Variants in ASB3 observed in about 807,000 individuals in gnomAD.
The protein encoded by ASB3 is ankyrin repeat and SOCS box protein 3.
A neutral mutation model predicts 54.5 loss-of-function variants in ASB3; 41 were observed. The ratio of observed to expected loss-of-function variants is 0.75; its 90% CI spans 0.59 to 0.98. ASB3 has a LOEUF of 0.98. Ranked by LOEUF, ASB3 falls within the 50% of genes least tolerant of loss-of-function variation. ASB3 has a pLI of 0.00. For synonymous variants in ASB3, 266 were observed against 221.2 expected, an observed-to-expected ratio of 1.20 and a Z score of -1.80; for missense variants, 733 against 620.0, an observed-to-expected ratio of 1.18 and a Z score of -1.94.
chr2:53,771,785 G>A, intron 1 of ASB3: 1 of 702,848 alleles, frequency 1.4e-6, no homozygotes, highest in Non-Finnish European at 2.6e-6. Flanking sequence ...CTATGCTTAA[G>A]AAATAGTGCT....
intron 1 of ASB3, among the ~76,000 whole-genome samples, chr2:53,772,861 C>T (rs918036453): frequency 2.0e-5 from 3 of 152,038 alleles, no homozygotes; most frequent in African/African-American, 7.2e-5. Context: ...TCCTCTCCCT[C>T]CTCCCACCCT....
chr2:53,691,879 G>T (rs148453527), intron 9 of ASB3, among the ~76,000 whole-genome samples: 89 of 152,302 alleles, frequency 5.8e-4, no homozygotes, highest in African/African-American at 2.1e-3. Flanking sequence ...AATGTAAGCA[G>T]GAGGAAGAAT....
At chr2:53,695,983 C>A (rs1276693485) in intron 8 of ASB3, among the ~76,000 whole-genome samples, 1 of 152,058 alleles carries the variant, frequency 6.6e-6, no homozygotes, top group African/African-American at 2.4e-5. Flanking sequence ...ACTTTAACAA[C>A]ATATTGGAAT....
intron 3 of ASB3, among the ~76,000 whole-genome samples, chr2:53,742,333 A>C (rs778625525): frequency 6.6e-5 from 10 of 152,188 alleles, no homozygotes; most frequent in Non-Finnish European, 1.5e-4. Flanking sequence ...TTGAGCAAAA[A>C]CTCACATATT....
At chr2:53,703,545 G>A (rs548491594) in intron 7 of ASB3, among the ~76,000 whole-genome samples, 2 of 152,308 alleles carry the variant, frequency 1.3e-5, no homozygotes, top group South Asian at 4.1e-4. Flanking sequence ...GCTGCGGTGA[G>A]CAATGATTGC....
rs568670841 is a variant in ASB3 at position 53,670,148 on chromosome 2, T to C, written c.*355A>G. 1 of 182,548 alleles carries C rather than the reference T, an allele frequency of 5.5e-6. No individual in the cohort carries two copies. Among genetic ancestry groups the C allele is most frequent in the Non-Finnish European group, 1.1e-5 (1 of 88,876 alleles). 11.3% of individuals were successfully genotyped at this position (182,548 alleles called of 1,614,324 possible). Reference sequence around the variant, plus strand: ...TAAACACGAATCATAGGTGGAAATATGCCATGTTTAGCACTAGAAGTAACA... The same window carrying C: ...TAAACACGAATCATAGGTGGAAATACGCCATGTTTAGCACTAGAAGTAACA... On this transcript the variant is annotated 3_prime_UTR_variant, in exon 10 of 10. Coordinates refer to ENST00000263634, the MANE Select transcript of ASB3 (RefSeq NM_016115.5).
At chr2:53,684,723 T>C (rs527404596) in intron 9 of ASB3, among the ~76,000 whole-genome samples, 1 of 152,344 alleles carries the variant, frequency 6.6e-6, no homozygotes, top group East Asian at 1.9e-4. Context: ...AAAATGCTCT[T>C]CTGTTTTTAA....
chr2:53,767,004 G>A (rs1673506627), intron 1 of ASB3, among the ~76,000 whole-genome samples: 1 of 152,156 alleles, frequency 6.6e-6, no homozygotes. Context: ...TGCAGCAAGA[G>A]CTCTAATGAG....
chr2:53,701,331 C>T (rs1016153829), intron 7 of ASB3, among the ~76,000 whole-genome samples: 2 of 152,034 alleles, frequency 1.3e-5, no homozygotes, highest in African/African-American at 4.8e-5. Flanking sequence ...TACAATACTA[C>T]ATCTTAAAAT....
At chr2:53,690,898 G>C (rs1668876542) in intron 9 of ASB3, among the ~76,000 whole-genome samples, 4 of 152,060 alleles carry the variant, frequency 2.6e-5, no homozygotes, top group African/African-American at 4.8e-5. Flanking sequence ...GTAACACTCT[G>C]GATAGAATTA....
At chr2:53,732,714 C>T (rs1460350124) in intron 3 of ASB3, among the ~76,000 whole-genome samples, 1 of 152,112 alleles carries the variant, frequency 6.6e-6, no homozygotes, top group African/African-American at 2.4e-5. Context: ...TTCCCAATGA[C>T]AAAAGTAAAA....
intron 6 of ASB3, 51 bp from the exon 7 acceptor site, chr2:53,714,632 T>C (rs1558534119): frequency 1.9e-6 from 3 of 1,570,226 alleles, no homozygotes; most frequent in Non-Finnish European, 8.6e-7. Context: ...TGTGCATAAA[T>C]GTAGGCAACA....
chr2:53,726,575 A>T (rs1671005676), intron 5 of ASB3, among the ~76,000 whole-genome samples: 1 of 151,378 alleles, frequency 6.6e-6, no homozygotes, highest in Non-Finnish European at 1.5e-5. Context: ...TAATCTAAAT[A>T]TTAATTAAAC....
At chr2:53,744,993 G>A (rs909182209) in intron 3 of ASB3, among the ~76,000 whole-genome samples, 10 of 152,122 alleles carry the variant, frequency 6.6e-5, no homozygotes, top group African/African-American at 9.7e-5. Flanking sequence ...AGCCAAAAGC[G>A]CATGCCATGC....
intron 1 of ASB3, among the ~76,000 whole-genome samples, chr2:53,771,122 GTC>G (rs1673873502): frequency 6.6e-6 from 1 of 152,168 alleles, no homozygotes; most frequent in South Asian, 2.1e-4. Context: ...GCCTAACAAT[GTC>G]TTTGTCAAGC....
At chr2:53,700,889 A>T (rs1669454809) in intron 7 of ASB3, among the ~76,000 whole-genome samples, 1 of 152,258 alleles carries the variant, frequency 6.6e-6, no homozygotes, top group Admixed American at 6.5e-5. Flanking sequence ...AAACAACGTG[A>T]TCAATCCTTA....
At chr2:53,721,398 C>CAAAAAAAAAAAAAAAA (rs1195017138) in intron 5 of ASB3, among the ~76,000 whole-genome samples, 6 of 87,388 alleles carry the variant, frequency 6.9e-5, no homozygotes, top group South Asian at 3.7e-4. Flanking sequence ...TACTAAACTA[C>CAAAAAAAAAAAAAAAA]AAAAAAAAAA....
At chr2:53,786,606 AG>A (rs1368852968) in intron 1 of ASB3, 1 of 152,448 alleles carries the variant, frequency 6.6e-6, no homozygotes, top group African/African-American at 2.4e-5. Flanking sequence ...GCGGAGAAAA[AG>A]AAGAAAAGCT....
At chr2:53,728,632 T>A in intron 5 of ASB3, 80 bp downstream of exon 5, 2 of 1,375,826 alleles carry the variant, frequency 1.5e-6, no homozygotes. Flanking sequence ...GATTTATATT[T>A]GAGACAAGAA....
Sources: gnomAD v4.1 joint callset for allele counts (sites outside exome capture counted in the v4.1 genomes callset) on GRCh38, gnomAD v4.1.1 for gene constraint, MANE v1.5 for transcripts, NCBI Gene and HGNC (gene_info 2026-07-23, HGNC 2026-07-21) for gene names.